The following KATNIP variants were observed in gnomAD, a reference collection of about 807,000 sequenced individuals.
KATNIP encodes katanin interacting protein.
Under a neutral mutation model 174.0 loss-of-function variants are expected in KATNIP, and 126 were observed. The ratio of observed to expected loss-of-function variants is 0.72; its 90% CI spans 0.63 to 0.84. KATNIP has a LOEUF of 0.84. Ranked by LOEUF, KATNIP falls within the 40% of genes least tolerant of loss-of-function variation. The probability of loss-of-function intolerance (pLI) is 0.00; values close to 1 mark genes in which losing one functional copy is unlikely to be tolerated. For synonymous variants in KATNIP, 810 were observed against 835.7 expected, an observed-to-expected ratio of 0.97 and a Z score of 0.53; for missense variants, 1,958 against 2,109.7, an observed-to-expected ratio of 0.93 and a Z score of 1.41.
In KATNIP at chr16:27,647,338, G is replaced by GC. The variant is rs148543466; in HGVS notation, c.409-1258dup. On this transcript the variant is annotated intron_variant, in intron 5 of 27. Transcript: ENST00000261588. ...TTTCCCAAACAAGTCTAATCACAAA[G>GC]CCCCCCCCTTTCTTTTATTTAAAGA... Among the ~76,000 whole-genome samples, 108 of 151,492 alleles carry GC rather than the reference G, an allele frequency of 7.1e-4. 1 individual carries two copies. The highest frequency in any genetic ancestry group is 2.3e-3 in the African/African-American group (95 of 41,242).
intron 2 of KATNIP, among the ~76,000 whole-genome samples, chr16:27,601,264 C>T (rs1596872027): frequency 6.6e-6 from 1 of 152,122 alleles, no homozygotes; most frequent in Admixed American, 6.6e-5. Flanking sequence ...GTGGGTCTGG[C>T]GTCCTGATGG....
At chr16:27,643,036 G>A (rs1430788940) in intron 5 of KATNIP, among the ~76,000 whole-genome samples, 1 of 152,328 alleles carries the variant, frequency 6.6e-6, no homozygotes, top group South Asian at 2.1e-4. Context: ...TGTAAATAAA[G>A]TGTTACTGGA....
chr16:27,643,340 C>G (rs1221196493), intron 5 of KATNIP: 2 of 152,256 alleles, frequency 1.3e-5, no homozygotes, highest in Non-Finnish European at 2.9e-5. Context: ...CCTGTAATCC[C>G]AACACTTTGG....
At chr16:27,626,190 C>T (rs2076327892) in intron 3 of KATNIP, among the ~76,000 whole-genome samples, 1 of 151,576 alleles carries the variant, frequency 6.6e-6, no homozygotes, top group Non-Finnish European at 1.5e-5. Context: ...TTTTCATCAC[C>T]ACTCCCCCGC....
chr16:27,657,002 A>C (rs1465509495), intron 6 of KATNIP, among the ~76,000 whole-genome samples: 1 of 152,014 alleles, frequency 6.6e-6, no homozygotes, highest in Non-Finnish European at 1.5e-5. Flanking sequence ...GGTGTGAGGG[A>C]GAGGAATTGC....
chr16:27,764,211 C>G (rs909968778), intron 19 of KATNIP, among the ~76,000 whole-genome samples: 2 of 152,192 alleles, frequency 1.3e-5, no homozygotes, highest in African/African-American at 4.8e-5. Context: ...GAAAGGCAGC[C>G]TAAGTGTTGG....
intron 14 of KATNIP, 97 bp downstream of exon 14, chr16:27,721,792 C>T: frequency 7.3e-7 from 1 of 1,376,192 alleles, no homozygotes; most frequent in East Asian, 2.4e-5. Context: ...AAAATGGATA[C>T]ACGGAAGCCC....
Position 27,740,812 on chromosome 16 carries a change from G to A in KATNIP, c.2515G>A (p.Asp839Asn), listed in dbSNP as rs747868948. ...CACCAAAGTCCACAGTGATGACTCA[G>A]ACATCTTTAACCAGCCCCCCAACAG... The part of the protein sequence containing the change: ...ATTKVHSDDS[D>N]IFNQPPNRER... Residue 839 changes from aspartate (D) to asparagine (N), a missense_variant, in exon 15 of 28, where the codon GAC becomes AAC. Asp to Asn is a conservative substitution (Grantham distance 23, BLOSUM62 1). Coordinates refer to ENST00000261588, the MANE Select transcript of KATNIP (RefSeq NM_015202.5). 1.2e-6 allele frequency: 2 copies of A among 1,614,108 alleles called. No individual in the cohort carries two copies. The highest frequency in any genetic ancestry group is 1.3e-5 in the African/African-American group (1 of 75,058).
chr16:27,713,731 T>TATATATGTATATATATATAC (rs2079736956), intron 13 of KATNIP, among the ~76,000 whole-genome samples: 2 of 144,854 alleles, frequency 1.4e-5, no homozygotes, highest in Non-Finnish European at 3.0e-5. Context: ...GTGTGTATTA[T>TATATATGTATATATATATAC]ATACACATAC....
At chr16:27,673,890 T>C (rs929960999) in intron 6 of KATNIP, among the ~76,000 whole-genome samples, 1 of 152,232 alleles carries the variant, frequency 6.6e-6, no homozygotes, top group African/African-American at 2.4e-5. Context: ...ACTCTGCATC[T>C]GCCCACAGCC....
chr16:27,591,183 T>G (rs2075149023), intron 2 of KATNIP, among the ~76,000 whole-genome samples: 1 of 152,078 alleles, frequency 6.6e-6, no homozygotes, highest in Non-Finnish European at 1.5e-5. Context: ...GAGTTGCACT[T>G]TCTTTCTTTT....
At chr16:27,632,785 C>T (rs961078691) in intron 5 of KATNIP, among the ~76,000 whole-genome samples, 3 of 151,962 alleles carry the variant, frequency 2.0e-5, no homozygotes, top group African/African-American at 7.3e-5. Flanking sequence ...GAGTCTCGCT[C>T]TGTCACCCTG....
intron 18 of KATNIP, among the ~76,000 whole-genome samples, chr16:27,757,960 G>A (rs1367329575): frequency 2.6e-5 from 4 of 152,174 alleles, no homozygotes; most frequent in Non-Finnish European, 5.9e-5. Context: ...GAGCTGAGAG[G>A]GTTGAAACAT....
At chr16:27,704,719 G>A (rs1019493242) in intron 12 of KATNIP, among the ~76,000 whole-genome samples, 1 of 152,038 alleles carries the variant, frequency 6.6e-6, no homozygotes, top group African/African-American at 2.4e-5. Context: ...GACAGGAAAC[G>A]TTAGAGATAT....
chr16:27,570,765 G>A (rs2090260488), intron 1 of KATNIP, among the ~76,000 whole-genome samples: 1 of 152,056 alleles, frequency 6.6e-6, no homozygotes, highest in Non-Finnish European at 1.5e-5. Context: ...CAATTTTGCA[G>A]CTGGGTCTCC....
At chr16:27,744,308 T>C (rs1281468178) in intron 15 of KATNIP, among the ~76,000 whole-genome samples, 2 of 151,578 alleles carry the variant, frequency 1.3e-5, no homozygotes, top group East Asian at 3.9e-4. Context: ...GGAAGATTTC[T>C]TGAGGCCAGG....
chr16:27,598,620 C>T (rs768186760), intron 2 of KATNIP, among the ~76,000 whole-genome samples: 3 of 152,172 alleles, frequency 2.0e-5, no homozygotes, highest in Admixed American at 1.3e-4. Flanking sequence ...TGTAGGAAAT[C>T]CTGGCCATCA....
chr16:27,557,830 G>A (rs1327788491), intron 1 of KATNIP, among the ~76,000 whole-genome samples: 1 of 152,188 alleles, frequency 6.6e-6, no homozygotes, highest in Non-Finnish European at 1.5e-5. Context: ...TTTTGAATTA[G>A]TTGTCAACAT....
At chr16:27,629,919 A>G (rs1250856182) in intron 4 of KATNIP, among the ~76,000 whole-genome samples, 3 of 152,224 alleles carry the variant, frequency 2.0e-5, no homozygotes, top group African/African-American at 4.8e-5. Flanking sequence ...AGGCTGAGGC[A>G]GGAGGACTGA....
Sources: allele counts gnomAD v4.1 joint callset (sites outside exome capture counted in the v4.1 genomes callset), GRCh38; gene constraint gnomAD v4.1.1; transcripts MANE v1.5; gene names NCBI Gene and HGNC (gene_info 2026-07-23, HGNC 2026-07-21).